Variants in RALY observed in about 807,000 individuals in gnomAD.
The protein encoded by RALY is RALY heterogeneous nuclear ribonucleoprotein.
RALY carries 15 observed loss-of-function variants against 30.7 expected under a neutral mutation model. The observed-to-expected ratio is 0.49, with a 90% CI of 0.33 to 0.75. RALY has a LOEUF of 0.75. RALY is among the 30% of genes least tolerant of loss of function. The pLI, the probability that RALY is intolerant of heterozygous loss-of-function variation, is 0.02. For synonymous variants in RALY, 177 were observed against 170.8 expected, an observed-to-expected ratio of 1.04 and a Z score of -0.28; for missense variants, 339 against 414.3, an observed-to-expected ratio of 0.82 and a Z score of 1.58.
intron 2 of RALY, among the ~76,000 whole-genome samples, chr20:34,070,681 A>C (rs1052881790): frequency 6.6e-6 from 1 of 152,224 alleles, no homozygotes; most frequent in Non-Finnish European, 1.5e-5. Context: ...AATGCTCATT[A>C]CTAGTAAGTT....
intron 2 of RALY, among the ~76,000 whole-genome samples, chr20:34,060,973 G>C (rs1030344020): frequency 6.6e-6 from 1 of 152,220 alleles, no homozygotes; most frequent in Non-Finnish European, 1.5e-5. Context: ...GTAGCATTCA[G>C]GAATGAATCT....
chr20:34,071,526 G>T (rs940254274), intron 2 of RALY, among the ~76,000 whole-genome samples: 2 of 152,012 alleles, frequency 1.3e-5, no homozygotes, highest in East Asian at 3.9e-4. Flanking sequence ...TGATGCACCC[G>T]TCTCGGCCTC....
At position 34,078,530 on chromosome 20, in the gene RALY, A is replaced by G. The variant is rs779125687; in HGVS notation, c.902A>G (p.Asp301Gly). The change falls in exon 9 of 10, where the codon GAT becomes GGT. Residue 301 changes from aspartate (D) to glycine (G), a missense_variant. By Grantham distance (94) the Asp-to-Gly change is moderately conservative. Coordinates refer to ENST00000246194, the MANE Select transcript of RALY (RefSeq NM_016732.3). ...ELEHSQDTDA[D>G]DGALQ ...GAACACAGCCAGGACACAGACGCGGATGATGGGGCCTTGCAGTAAGCAGGT... is the reference window on the plus strand; with the variant it reads ...GAACACAGCCAGGACACAGACGCGGGTGATGGGGCCTTGCAGTAAGCAGGT... 1.9e-6 allele frequency: 3 copies of G among 1,589,684 alleles called. No individual in the cohort carries two copies. The highest frequency in any genetic ancestry group is 2.3e-5 in the South Asian group (2 of 87,274).
intron 1 of RALY, among the ~76,000 whole-genome samples, chr20:34,026,230 A>G (rs1434879518): frequency 6.6e-6 from 1 of 152,086 alleles, no homozygotes; most frequent in Non-Finnish European, 1.5e-5. Flanking sequence ...TCCTATTGAC[A>G]CATTTAGTTT....
chr20:34,015,634 T>C (rs1397172207), intron 1 of RALY, among the ~76,000 whole-genome samples: 1 of 152,182 alleles, frequency 6.6e-6, no homozygotes, highest in African/African-American at 2.4e-5. Context: ...ATTATCATTT[T>C]ATTTTTCGTA....
At chr20:34,027,833 T>G (rs1018217267) in intron 1 of RALY, among the ~76,000 whole-genome samples, 12 of 152,240 alleles carry the variant, frequency 7.9e-5, no homozygotes, top group African/African-American at 2.7e-4. Flanking sequence ...AACTCTGCCC[T>G]TTTCCTCACC....
rs1208080401 is a variant in RALY, at chr20:34,072,348, A to G, written c.256+18A>G. 4 of 1,604,962 alleles carry G rather than the reference A, an allele frequency of 2.5e-6. No individual in the cohort carries two copies. Among genetic ancestry groups the G allele is most frequent in the East Asian group, 2.2e-5 (1 of 44,824 alleles). On this transcript the variant is annotated intron_variant, in intron 3 of 9. Coordinates refer to ENST00000246194, the MANE Select transcript of RALY (RefSeq NM_016732.3). Reference sequence around the variant, plus strand: ...GACCCTGGGTAAGCCTCTCTTCACTATATTCTCCTAGTATTCTCTAGAATA... The same window carrying G: ...GACCCTGGGTAAGCCTCTCTTCACTGTATTCTCCTAGTATTCTCTAGAATA...
At chr20:34,057,188 G>A (rs977331326) in intron 2 of RALY, among the ~76,000 whole-genome samples, 1 of 152,232 alleles carries the variant, frequency 6.6e-6, no homozygotes, top group African/African-American at 2.4e-5. Context: ...ACAGAGTTGA[G>A]TTATCTAACC....
intron 1 of RALY, among the ~76,000 whole-genome samples, chr20:34,009,728 C>G (rs1167667234): frequency 6.6e-6 from 1 of 152,184 alleles, no homozygotes; most frequent in Non-Finnish European, 1.5e-5. Flanking sequence ...ATTCTGCTTC[C>G]TTATTGACTG....
chr20:34,015,081 G>A (rs2031553322), intron 1 of RALY: 2 of 152,176 alleles, frequency 1.3e-5, no homozygotes, highest in South Asian at 4.1e-4. Context: ...CAGGAGTTCA[G>A]TTGGCAGAGA....
intron 2 of RALY, among the ~76,000 whole-genome samples, chr20:34,063,362 A>G (rs886757089): frequency 1.1e-4 from 17 of 152,168 alleles, no homozygotes; most frequent in African/African-American, 3.6e-4. Context: ...GGAGCAATCT[A>G]GTGGAATGGG....
chr20:34,056,966 C>T (rs1450060090), intron 2 of RALY, among the ~76,000 whole-genome samples: 3 of 152,134 alleles, frequency 2.0e-5, no homozygotes, highest in Non-Finnish European at 4.4e-5. Context: ...ATAAGCTTTC[C>T]CTCAGATGCT....
In RALY at chr20:34,083,405, G is replaced by C. The variant is rs574787025; in HGVS notation, c.*3500G>C. 6.6e-6 allele frequency: 1 copy of C among 152,204 alleles called. No homozygotes were observed. Among genetic ancestry groups the C allele is most frequent in the Non-Finnish European group, 1.5e-5 (1 of 68,038 alleles). The allele number at this position is 152,204 out of a possible 1,614,324, so 9.4% of individuals were successfully genotyped here. A position where few individuals can be genotyped will look rare whatever the true frequency, so the allele number is the denominator to read the frequency against. On this transcript the variant is annotated 3_prime_UTR_variant, in exon 10 of 10. Transcript: ENST00000246194. ...ACATCATGGCTGAGTTCCAAAAACC[G>C]CAAGAGAAGACAAGCCCAGTATGCG... is the stretch of plus-strand genomic sequence containing the variant.
chr20:34,005,016 A>G (rs1259910551), intron 1 of RALY, among the ~76,000 whole-genome samples: 1 of 152,124 alleles, frequency 6.6e-6, no homozygotes, highest in African/African-American at 2.4e-5. Context: ...TGTACCTTAA[A>G]TTACCTGGTT....
intron 2 of RALY, among the ~76,000 whole-genome samples, chr20:34,043,041 G>T (rs941345708): frequency 4.0e-4 from 61 of 152,232 alleles, no homozygotes; most frequent in Admixed American, 2.0e-4. Flanking sequence ...CCCAACCCAG[G>T]AAGGCAGCTT....
chr20:33,995,071 T>A (rs1272333512), intron 1 of RALY, among the ~76,000 whole-genome samples: 1 of 152,220 alleles, frequency 6.6e-6, no homozygotes. Context: ...AGGGTATTTT[T>A]ACCTAGCCTT....
chr20:34,075,226 T>C (rs543341411), intron 5 of RALY, among the ~76,000 whole-genome samples: 2 of 151,774 alleles, frequency 1.3e-5, no homozygotes, highest in African/African-American at 2.4e-5. Context: ...ATTAAGGAGG[T>C]CAAGTAAGGA....
intron 2 of RALY, among the ~76,000 whole-genome samples, chr20:34,036,456 T>C (rs2032500579): frequency 6.6e-6 from 1 of 152,220 alleles, no homozygotes; most frequent in Non-Finnish European, 1.5e-5. Context: ...GTATAATCCT[T>C]TTTATATGGA....
rs1364746141 is a variant in RALY at position 34,008,770 on chromosome 20, C to T, written c.-93+14639C>T. On this transcript the variant is annotated intron_variant, in intron 1 of 9. Coordinates refer to ENST00000246194, the MANE Select transcript of RALY (RefSeq NM_016732.3). ...AACTCTTAGGCTTAAGCTATCCTCA[C>T]GCCTCAGTCTCCTGAGTAGCTGGAA... 5.3e-5 allele frequency among the ~76,000 whole-genome samples: 8 copies of T among 152,118 alleles called. No individual in the cohort carries two copies. In the East Asian group the frequency reaches 7.7e-4, roughly 15 times the overall value.
Sources: gnomAD v4.1 joint callset for allele counts (sites outside exome capture counted in the v4.1 genomes callset) on GRCh38, gnomAD v4.1.1 for gene constraint, MANE v1.5 for transcripts, NCBI Gene and HGNC (gene_info 2026-07-23, HGNC 2026-07-21) for gene names.